Variants in NAALADL2 observed in about 807,000 individuals in gnomAD.
NAALADL2 encodes the protein inactive N-acetylated-alpha-linked acidic dipeptidase-like protein 2.
In NAALADL2, 76 loss-of-function variants were observed where a neutral mutation model predicts 87.2. The ratio of observed to expected loss-of-function variants is 0.87; its 90% CI spans 0.72 to 1.05. NAALADL2 has a LOEUF of 1.05. Ranked by LOEUF, NAALADL2 falls within the 50% of genes least tolerant of loss-of-function variation. The pLI, the probability that NAALADL2 is intolerant of heterozygous loss-of-function variation, is 0.00. For missense variants in NAALADL2, 1,089 were observed against 945.8 expected (o/e 1.15, Z -1.99); for synonymous variants, 354 against 331.0 (o/e 1.07, Z -0.75).
intron 3 of NAALADL2, among the ~76,000 whole-genome samples, chr3:174,799,252 C>T (rs1578978950): frequency 6.6e-6 from 1 of 152,010 alleles, no homozygotes; most frequent in South Asian, 2.1e-4. Context: ...CTGGCTAGAA[C>T]CTCTAGTACA....
At chr3:174,987,591 A>T (rs1359828220) in intron 1 of NAALADL2, among the ~76,000 whole-genome samples, 2,238 of 140,662 alleles carry the variant, frequency 0.016, 180 homozygotes, top group African/African-American at 0.06. Context: ...AAAAAAAAAA[A>T]AAAAAAACAA....
chr3:175,778,766 A>C (rs1250313386), intron 13 of NAALADL2, among the ~76,000 whole-genome samples: 1 of 152,158 alleles, frequency 6.6e-6, no homozygotes, highest in Non-Finnish European at 1.5e-5. Flanking sequence ...AATGTGCTCT[A>C]GATCATGGAG....
intron 2 of NAALADL2, among the ~76,000 whole-genome samples, chr3:175,151,953 C>A (rs1731605863): frequency 6.6e-6 from 1 of 152,062 alleles, no homozygotes; most frequent in African/African-American, 2.4e-5. Context: ...TAAAATAAAA[C>A]TGTTAATGTC....
chr3:174,599,881 T>C (rs1718272907), intron 2 of NAALADL2, among the ~76,000 whole-genome samples: 1 of 152,154 alleles, frequency 6.6e-6, no homozygotes, highest in African/African-American at 2.4e-5. Flanking sequence ...TTTTATATTC[T>C]ATCTGGCATC....
At chr3:174,744,085 G>T (rs1419602091) in intron 3 of NAALADL2, among the ~76,000 whole-genome samples, 2 of 151,920 alleles carry the variant, frequency 1.3e-5, no homozygotes, top group African/African-American at 4.8e-5. Context: ...GTGGTAGGCA[G>T]AATAGTGGCC....
At chr3:175,314,072 CAAA>C (rs10678475) in intron 4 of NAALADL2, among the ~76,000 whole-genome samples, 3 of 79,836 alleles carry the variant, frequency 3.8e-5, no homozygotes, top group African/African-American at 4.3e-5. Context: ...GACTCCATCT[CAAA>C]AAAAAAAAAA....
chr3:174,563,467 T>G (rs1383239131), intron 2 of NAALADL2, among the ~76,000 whole-genome samples: 1 of 151,684 alleles, frequency 6.6e-6, no homozygotes, highest in Non-Finnish European at 1.5e-5. Flanking sequence ...GAATTTTTAT[T>G]GTGAAGAGTA....
At chr3:175,026,899 C>T (rs896370644) in intron 1 of NAALADL2, among the ~76,000 whole-genome samples, 5 of 152,072 alleles carry the variant, frequency 3.3e-5, no homozygotes, top group Non-Finnish European at 7.4e-5. Context: ...TAACTGCATA[C>T]CGAACAAACA....
chr3:175,053,611 C>G (rs1755698437), intron 1 of NAALADL2, among the ~76,000 whole-genome samples: 2 of 152,162 alleles, frequency 1.3e-5, no homozygotes, highest in African/African-American at 4.8e-5. Flanking sequence ...TAACCTCTGC[C>G]CCAAGTTATT....
intron 5 of NAALADL2, among the ~76,000 whole-genome samples, chr3:175,361,642 T>C (rs1434899474): frequency 1.3e-5 from 2 of 148,542 alleles, no homozygotes; most frequent in Non-Finnish European, 1.5e-5. Context: ...TTTTCATGTG[T>C]CTTTTGGTTG....
chr3:174,924,468 A>G (rs1173426255), intron 1 of NAALADL2, among the ~76,000 whole-genome samples: 1 of 151,984 alleles, frequency 6.6e-6, no homozygotes, highest in African/African-American at 2.4e-5. Context: ...TCATTGACGG[A>G]CATTTGGGTT....
intron 2 of NAALADL2, among the ~76,000 whole-genome samples, chr3:175,134,869 A>T (rs1385732965): frequency 6.6e-6 from 1 of 152,242 alleles, no homozygotes; most frequent in East Asian, 1.9e-4. Context: ...AAATTTTATC[A>T]GAATAATAAA....
chr3:175,327,023 T>A (rs1368639560), intron 5 of NAALADL2, among the ~76,000 whole-genome samples: 1 of 152,142 alleles, frequency 6.6e-6, no homozygotes, highest in African/African-American at 2.4e-5. Context: ...TGTAAAGAAG[T>A]AATTTAGAAC....
At chr3:174,493,789 A>G (rs1306234278) in intron 1 of NAALADL2, among the ~76,000 whole-genome samples, 2 of 152,224 alleles carry the variant, frequency 1.3e-5, no homozygotes, top group African/African-American at 4.8e-5. Context: ...TGTATTAAGT[A>G]TTTTGTTAGG....
intron 2 of NAALADL2, among the ~76,000 whole-genome samples, chr3:174,630,799 C>T (rs1722037275): frequency 6.6e-6 from 1 of 152,156 alleles, no homozygotes; most frequent in Admixed American, 6.5e-5. Flanking sequence ...ACATATTTTA[C>T]AGTCACCTTG....
intron 3 of NAALADL2, among the ~76,000 whole-genome samples, chr3:174,781,852 G>T (rs1278607128): frequency 6.6e-6 from 1 of 152,048 alleles, no homozygotes; most frequent in African/African-American, 2.4e-5. Flanking sequence ...TTTGTGCCAG[G>T]CTGTAGCAGA....
intron 3 of NAALADL2, among the ~76,000 whole-genome samples, chr3:174,787,665 T>C (rs1421196916): frequency 8.1e-6 from 1 of 123,736 alleles, no homozygotes; most frequent in East Asian, 2.4e-4. Flanking sequence ...CTCAACTATA[T>C]TTCAAAACTG....
intron 10 of NAALADL2, among the ~76,000 whole-genome samples, chr3:175,604,883 G>T (rs1723473308): frequency 6.6e-6 from 1 of 152,174 alleles, no homozygotes; most frequent in South Asian, 2.1e-4. Flanking sequence ...GAGGGCTACT[G>T]CAATAGTCTA....
At chr3:175,222,732 A>G (rs1471398981) in intron 2 of NAALADL2, among the ~76,000 whole-genome samples, 1 of 152,174 alleles carries the variant, frequency 6.6e-6, no homozygotes, top group East Asian at 1.9e-4. Context: ...TTTAATTTAT[A>G]TGGGATTAAA....
Sources: allele counts gnomAD v4.1 joint callset (sites outside exome capture counted in the v4.1 genomes callset), GRCh38; gene constraint gnomAD v4.1.1; transcripts MANE v1.5; gene names NCBI Gene and HGNC (gene_info 2026-07-23, HGNC 2026-07-21).